The following TANK variants were observed in gnomAD, a reference collection of about 807,000 sequenced individuals.
TANK encodes the protein TRAF family member associated NFKB activator, also known as TRAF family member-associated NF-kappa-B activator.
Under a neutral mutation model 43.6 loss-of-function variants are expected in TANK, and 15 were observed. That is an observed-to-expected ratio of 0.34 (90% CI 0.23 to 0.53). The LOEUF (loss-of-function observed/expected upper bound fraction) is 0.53. Among genes scored for constraint, TANK ranks in the 20% least tolerant of loss-of-function variants. The probability of loss-of-function intolerance (pLI) is 0.94; values close to 1 mark genes in which losing one functional copy is unlikely to be tolerated. For synonymous variants in TANK, 162 were observed against 178.2 expected (o/e 0.91, Z 0.73); for missense variants, 417 against 498.6 (o/e 0.84, Z 1.56).
At chr2:161,186,113 AG>A in intron 2 of TANK, among the ~76,000 whole-genome samples, 1 of 152,160 alleles carries the variant, frequency 6.6e-6, no homozygotes, top group South Asian at 2.1e-4. Flanking sequence ...TGGGAGATTG[AG>A]GGAGTTTGAG....
chr2:161,136,977 C>T (rs919220512), exon 1 of TANK: 1 of 985,380 alleles, frequency 1.0e-6, no homozygotes, highest in Non-Finnish European at 1.2e-6. Flanking sequence ...TTGTTAGAGC[C>T]TGTGGAAAAC....
chr2:161,139,740 CA>C lies in TANK; in HGVS notation c.-50+2678del, dbSNP rs1205491147. 10 of 985,234 alleles carry C rather than the reference CA, an allele frequency of 1.0e-5. No individual in the cohort carries two copies. The East Asian group carries it at 9.1e-4, about 89-fold the overall frequency. The allele number at this position is 985,234 out of a possible 1,614,324, so 61.0% of individuals were successfully genotyped here. ...TAATTCTGTTCCCAACTCAAACTAA[CA>C]GAAAAAGAATGAAAACAATGTGACA... On this transcript the variant is annotated intron_variant, in intron 1 of 7. Coordinates refer to the TANK transcript ENST00000259075.
chr2:161,220,596 T>TC (rs1687298752), intron 4 of TANK, among the ~76,000 whole-genome samples: 1 of 152,082 alleles, frequency 6.6e-6, no homozygotes. Context: ...AAAGCGAGAC[T>TC]CTGTCTCAAA....
chr2:161,191,266 G>A (rs546255351), intron 2 of TANK, among the ~76,000 whole-genome samples: 2 of 152,216 alleles, frequency 1.3e-5, no homozygotes, highest in East Asian at 3.9e-4. Context: ...CTTAAATTAC[G>A]AAAGCACCAC....
chr2:161,183,668 G>T (rs1319459194), intron 2 of TANK, among the ~76,000 whole-genome samples: 1 of 151,966 alleles, frequency 6.6e-6, no homozygotes, highest in African/African-American at 2.4e-5. Context: ...GCTAATATTT[G>T]TTAAGTACTC....
intron 2 of TANK, chr2:161,200,545 T>C: frequency 1.0e-6 from 1 of 983,788 alleles, no homozygotes; most frequent in Non-Finnish European, 1.2e-6. Flanking sequence ...ATCTTTGTAC[T>C]TTTTTCTGAA....
In TANK at chr2:161,218,008, A is replaced by G. The variant is rs141207308; in HGVS notation, c.328-5907A>G. On this transcript the variant is annotated intron_variant, in intron 4 of 7. Coordinates refer to ENST00000392749, the MANE Select transcript of TANK (RefSeq NM_001199135.3). Reference sequence around the variant, plus strand: ...ATGCTTTGTCAAATGCTTAACTTCTATGCCAAGTTTGAGAAATACTATGAA... The same window carrying G: ...ATGCTTTGTCAAATGCTTAACTTCTGTGCCAAGTTTGAGAAATACTATGAA... Among the ~76,000 whole-genome samples, 554 of 152,276 alleles carry G rather than the reference A, an allele frequency of 3.6e-3. 1 individual carries two copies. Among genetic ancestry groups the G allele is most frequent in the Non-Finnish European group, 6.2e-3 (422 of 68,016 alleles).
intron 2 of TANK, among the ~76,000 whole-genome samples, chr2:161,185,142 AGG>A (rs1454300872): frequency 6.6e-6 from 1 of 152,182 alleles, no homozygotes; most frequent in African/African-American, 2.4e-5. Flanking sequence ...AAAATCATTA[AGG>A]AAACTAATAA....
At chr2:161,199,634 C>A (rs1686314842) in intron 2 of TANK, among the ~76,000 whole-genome samples, 1 of 152,114 alleles carries the variant, frequency 6.6e-6, no homozygotes, top group Non-Finnish European at 1.5e-5. Context: ...AAACTTTTTG[C>A]TTTGCTTATC....
chr2:161,181,591 A>G (rs1685428271), intron 2 of TANK, among the ~76,000 whole-genome samples: 2 of 152,156 alleles, frequency 1.3e-5, no homozygotes, highest in Admixed American at 6.6e-5. Flanking sequence ...CCTTCTTCAA[A>G]GGTGGCAGGA....
chr2:161,149,632 G>T (rs1302511318), intron 1 of TANK, among the ~76,000 whole-genome samples: 1 of 151,876 alleles, frequency 6.6e-6, no homozygotes, highest in East Asian at 1.9e-4. Flanking sequence ...TTTCATAAAT[G>T]CTCTTTATTA....
intron 1 of TANK, among the ~76,000 whole-genome samples, chr2:161,153,756 T>G (rs1234832834): frequency 1.3e-5 from 2 of 151,256 alleles, no homozygotes; most frequent in African/African-American, 4.9e-5. Flanking sequence ...GAATTTTCTA[T>G]ATTACCCAAT....
chr2:161,138,879 T>C (rs1383821625), intron 1 of TANK, among the ~76,000 whole-genome samples: 1 of 152,226 alleles, frequency 6.6e-6, no homozygotes, highest in Non-Finnish European at 1.5e-5. Flanking sequence ...GCCTGAATAT[T>C]CTATTAATAT....
Position 161,231,304 on chromosome 2 carries a change from A to G in TANK, c.854A>G (p.Glu285Gly). ...CCAGGGAACTTTGTTAAAACAGAAG[A>G]AACTTTATTTGAAATTCAGGGAATT... ...DNPGNFVKTE[E>G]TLFEIQGIDP... The change falls in exon 7 of 8, where the codon GAA becomes GGA. Residue 285 changes from glutamate to glycine, a missense_variant. Transcript: ENST00000392749. 1 of 1,614,182 alleles carries G rather than the reference A, an allele frequency of 6.2e-7. No homozygotes were observed. The highest frequency in any genetic ancestry group is 8.5e-7 in the Non-Finnish European group (1 of 1,180,020).
At chr2:161,147,775 C>G (rs1683958745) in intron 1 of TANK, among the ~76,000 whole-genome samples, 1 of 152,018 alleles carries the variant, frequency 6.6e-6, no homozygotes, top group Admixed American at 6.5e-5. Flanking sequence ...TCACCTGTGA[C>G]TTTCTTAAAC....
intron 1 of TANK, among the ~76,000 whole-genome samples, chr2:161,168,075 AT>A: frequency 6.6e-6 from 1 of 152,296 alleles, no homozygotes; most frequent in South Asian, 2.1e-4. Flanking sequence ...AACGTATGGC[AT>A]TTTATGGCTA....
chr2:161,212,085 G>A (rs1364971179), intron 4 of TANK: 13 of 656,672 alleles, frequency 2.0e-5, no homozygotes, highest in Admixed American at 6.6e-5. Context: ...TTTTGAGACA[G>A]GGTCTCATTC....
intron 1 of TANK, chr2:161,139,799 C>T: frequency 1.0e-6 from 1 of 985,326 alleles, no homozygotes; most frequent in South Asian, 4.7e-5. Context: ...GCATAGCAGC[C>T]AAATAAACAA....
At chr2:161,211,733 A>T in intron 4 of TANK, 1 of 984,666 alleles carries the variant, frequency 1.0e-6, no homozygotes, top group Non-Finnish European at 1.2e-6. Context: ...CTTTTATCAT[A>T]CAGAAATGGT....
Sources: allele counts gnomAD v4.1 joint callset (sites outside exome capture counted in the v4.1 genomes callset), GRCh38; gene constraint gnomAD v4.1.1; transcripts MANE v1.5; gene names NCBI Gene and HGNC (gene_info 2026-07-23, HGNC 2026-07-21).